The following PTGER4 variants were observed in gnomAD, a reference collection of about 807,000 sequenced individuals.
PTGER4 encodes prostaglandin E2 receptor EP4 subtype.
In PTGER4, 11 loss-of-function variants were observed where a neutral mutation model predicts 33.2. The observed-to-expected ratio is 0.33, with a 90% CI of 0.21 to 0.55. PTGER4 has a LOEUF of 0.55. Among genes scored for constraint, PTGER4 ranks in the 20% least tolerant of loss-of-function variants. The pLI is 0.92. For missense variants in PTGER4, 481 were observed against 650.2 expected (o/e 0.74, Z 2.83); for synonymous variants, 275 against 281.5 (o/e 0.98, Z 0.23).
At chr5:40,733,319 T>A in the PTGER4 span, among the ~76,000 whole-genome samples, 1 of 152,154 alleles carries the variant, frequency 6.6e-6, no homozygotes, top group Non-Finnish European at 1.5e-5. Context: ...GTCCATATAG[T>A]AAACATTTTA....
chr5:40,698,267 G>A (rs569521910), downstream of PTGER4, among the ~76,000 whole-genome samples: 28 of 151,854 alleles, frequency 1.8e-4, no homozygotes, highest in South Asian at 1.0e-3. Flanking sequence ...AACAAACCAA[G>A]ACCCTGTCTC....
the PTGER4 span, among the ~76,000 whole-genome samples, chr5:40,733,492 TCTA>T: frequency 6.6e-6 from 1 of 152,170 alleles, no homozygotes; most frequent in African/African-American, 2.4e-5. Context: ...CAACCCTAGA[TCTA>T]CTTGGCCCAA....
At chr5:40,707,576 A>G in the PTGER4 span, among the ~76,000 whole-genome samples, 1 of 152,170 alleles carries the variant, frequency 6.6e-6, no homozygotes, top group Admixed American at 6.5e-5. Flanking sequence ...CCACACAAAA[A>G]TAATGGGAGA....
chr5:40,711,503 G>C, the PTGER4 span, among the ~76,000 whole-genome samples: 1 of 151,976 alleles, frequency 6.6e-6, no homozygotes, highest in Non-Finnish European at 1.5e-5. Context: ...TGCATAAACT[G>C]GTCATAAGAC....
At chr5:40,682,256 AC>A (rs1218265230) in intron 2 of PTGER4, among the ~76,000 whole-genome samples, 2 of 152,058 alleles carry the variant, frequency 1.3e-5, no homozygotes, top group African/African-American at 4.8e-5. Context: ...GAACTGCAAA[AC>A]CTGAAATGTC....
intron 2 of PTGER4, among the ~76,000 whole-genome samples, chr5:40,682,914 G>T (rs961628120): frequency 1.3e-5 from 2 of 152,080 alleles, no homozygotes; most frequent in Non-Finnish European, 2.9e-5. Context: ...AATTGCCTTT[G>T]GATTAACTTT....
In PTGER4 at chr5:40,693,262, A is replaced by G; in HGVS notation, c.*884A>G. On this transcript the variant is annotated 3_prime_UTR_variant, in exon 3 of 3. Transcript: ENST00000302472. ...TAATTGGTACTTTTAAAAACATAAC[A>G]TAAATTTTTTGAAGTCTTTAATAAA... 1 of 981,288 alleles carries G rather than the reference A, an allele frequency of 1.0e-6. No homozygotes were observed. Among genetic ancestry groups the G allele is most frequent in the Non-Finnish European group, 1.2e-6 (1 of 825,820 alleles). The allele number at this position is 981,288 out of a possible 1,614,324, so 60.8% of individuals were successfully genotyped here. A position where few individuals can be genotyped will look rare whatever the true frequency, so the allele number is the denominator to read the frequency against.
chr5:40,681,130 G>T lies in PTGER4; in HGVS notation c.137G>T (p.Arg46Leu). 3 of 1,614,092 alleles carry T rather than the reference G, an allele frequency of 1.9e-6. No homozygotes were observed. Among genetic ancestry groups the T allele is most frequent in the Non-Finnish European group, 2.5e-6 (3 of 1,180,026 alleles). ...GCCATCGTGGTGCTGTGCAAGTCGC[G>T]CAAGGAGCAGAAGGAGACGACCTTC... ...LVAIVVLCKS[R>L]KEQKETTFYT... The change falls in exon 2 of 3, where the codon CGC becomes CTC. Residue 46 changes from arginine (R) to leucine (L), a missense_variant. This residue lies in a region of PTGER4 where 61 missense variants were observed against 145.2 expected (regional missense o/e 0.42). Transcript: ENST00000302472. This position sits in a 1 kb window ranked among gnomAD's most constrained non-coding sequence, Gnocchi z 9.8.
At chr5:40,739,825 G>C in the PTGER4 span, among the ~76,000 whole-genome samples, 1 of 151,962 alleles carries the variant, frequency 6.6e-6, no homozygotes, top group Non-Finnish European at 1.5e-5. Context: ...GATTTATTTA[G>C]GTCTTTTAAC....
At chr5:40,697,225 G>GA (rs1459844718), downstream of PTGER4, among the ~76,000 whole-genome samples, 3 of 61,660 alleles carry the variant, frequency 4.9e-5, no homozygotes, top group South Asian at 9.7e-4. Context: ...AAAGAAAGAA[G>GA]AAAAGAAAGA....
downstream of PTGER4, among the ~76,000 whole-genome samples, chr5:40,697,268 AAGAAAGAAAG>A (rs1172279262): frequency 1.6e-5 from 2 of 125,574 alleles, no homozygotes; most frequent in East Asian, 2.4e-4. Context: ...GAAAGAAAGA[AAGAAAGAAAG>A]AAAGAAAGAA....
rs150597236 is a variant in PTGER4, at chr5:40,693,294, A to G, written c.*916A>G. 90 of 971,224 alleles carry G rather than the reference A, an allele frequency of 9.3e-5. No homozygotes were observed. The African/African-American group carries it at 1.3e-3, about 14-fold the overall frequency. 60.2% of individuals were successfully genotyped at this position (971,224 alleles called of 1,614,324 possible). A position where few individuals can be genotyped will look rare whatever the true frequency, so the allele number is the denominator to read the frequency against. ...TTTTGAAGTCTTTAATAAATAACCC[A>G]TAATTGAAGTGTATAATATAAAAAA... On this transcript the variant is annotated 3_prime_UTR_variant, in exon 3 of 3. Coordinates refer to ENST00000302472, the MANE Select transcript of PTGER4 (RefSeq NM_000958.3).
downstream of PTGER4, chr5:40,693,826 A>AAATT (rs1741528731): frequency 3.1e-6 from 2 of 647,524 alleles, no homozygotes; most frequent in Non-Finnish European, 3.8e-6. Context: ...TATTTTTTTA[A>AAATT]AATTTATTGT....
At chr5:40,706,400 G>A in the PTGER4 span, among the ~76,000 whole-genome samples, 1 of 152,098 alleles carries the variant, frequency 6.6e-6, no homozygotes. Flanking sequence ...CCTGAATGAT[G>A]TAATAATATA....
At chr5:40,695,738 G>A (rs907136194), downstream of PTGER4, among the ~76,000 whole-genome samples, 17 of 152,006 alleles carry the variant, frequency 1.1e-4, no homozygotes, top group African/African-American at 2.9e-4. Context: ...TACTTTGTGC[G>A]GTCATAAAAA....
downstream of PTGER4, among the ~76,000 whole-genome samples, chr5:40,698,073 G>A (rs1156313313): frequency 8.9e-6 from 1 of 111,876 alleles, no homozygotes. Context: ...GGGCAACACA[G>A]TGAGAGACCC....
At chr5:40,698,585 T>G (rs1478634564), downstream of PTGER4, among the ~76,000 whole-genome samples, 2 of 152,062 alleles carry the variant, frequency 1.3e-5, no homozygotes, top group Non-Finnish European at 2.9e-5. Context: ...TACAACCACT[T>G]TGAAAAGTGA....
At position 40,681,990 on chromosome 5, in the gene PTGER4, T is replaced by A; in HGVS notation, c.867+130T>A. 1 of 1,207,892 alleles carries A rather than the reference T, an allele frequency of 8.3e-7. No individual in the cohort carries two copies. Among genetic ancestry groups the A allele is most frequent in the Non-Finnish European group, 1.1e-6 (1 of 902,400 alleles). 74.8% of individuals were successfully genotyped at this position (1,207,892 alleles called of 1,614,324 possible). ...GTCGCCTTTAGGTCGGGGCTGGGAT[T>A]CCCACACTGTTTCTCAGAGCAGGCC... On this transcript the variant is annotated intron_variant, in intron 2 of 2. Transcript: ENST00000302472. This position sits in a 1 kb window ranked among gnomAD's most constrained non-coding sequence, Gnocchi z 9.8.
In PTGER4 at chr5:40,681,954, G is replaced by T. The variant is rs1383338983; in HGVS notation, c.867+94G>T. On this transcript the variant is annotated intron_variant, in intron 2 of 2. Coordinates refer to ENST00000302472, the MANE Select transcript of PTGER4 (RefSeq NM_000958.3). This position sits in a 1 kb window ranked among gnomAD's most constrained non-coding sequence, Gnocchi z 9.8. ...TCCCTGCTTTCCCTCTGAGTCCTTG[G>T]CAGTGAACGTGTCGCCTTTAGGTCG... 11 of 1,393,204 alleles carry T rather than the reference G, an allele frequency of 7.9e-6. No homozygotes were observed. The highest frequency in any genetic ancestry group is 1.0e-5 in the Non-Finnish European group (11 of 1,056,274). The allele number at this position is 1,393,204 out of a possible 1,614,324, so 86.3% of individuals were successfully genotyped here. A position where few individuals can be genotyped will look rare whatever the true frequency, so the allele number is the denominator to read the frequency against.
Sources: gnomAD v4.1 joint callset for allele counts (sites outside exome capture counted in the v4.1 genomes callset) on GRCh38, gnomAD v4.1.1 for gene constraint, gnomAD v4.1.1 regional missense constraint, Gnocchi (gnomAD v3.1) non-coding constraint, MANE v1.5 for transcripts, NCBI Gene and HGNC (gene_info 2026-07-23, HGNC 2026-07-21) for gene names.